SERINC2: variants seen among roughly 807,000 people sequenced by gnomAD.
The protein encoded by SERINC2 is serine incorporator 2.
Under a neutral mutation model 54.2 loss-of-function variants are expected in SERINC2, and 56 were observed. The ratio of observed to expected loss-of-function variants is 1.03; its 90% CI spans 0.83 to 1.29. The LOEUF is 1.29. SERINC2 is among the 50% of genes most tolerant of loss of function. SERINC2 has a pLI of 0.00. For synonymous variants in SERINC2, 272 were observed against 253.1 expected (o/e 1.07, Z -0.71); for missense variants, 614 against 607.4 (o/e 1.01, Z -0.12).
At chr1:31,415,897 C>T in intron 1 of SERINC2, 1 of 985,570 alleles carries the variant, frequency 1.0e-6, no homozygotes. Context: ...TGAAGGTGAA[C>T]TGGGCTGAAG....
intron 1 of SERINC2, among the ~76,000 whole-genome samples, chr1:31,421,869 G>C (rs965460127): frequency 7.9e-5 from 12 of 152,194 alleles, no homozygotes; most frequent in Non-Finnish European, 7.3e-5. Flanking sequence ...TTGGCCACGA[G>C]GGCCTTCTTA....
intron 8 of SERINC2, among the ~76,000 whole-genome samples, chr1:31,429,948 G>A (rs1357472226): frequency 6.6e-6 from 1 of 151,934 alleles, no homozygotes; most frequent in Non-Finnish European, 1.5e-5. Flanking sequence ...AGTGGATGTG[G>A]CTGTGACCCC....
At chr1:31,433,327 GCCT>G in intron 9 of SERINC2, 142 bp downstream of exon 9, 2 of 675,932 alleles carry the variant, frequency 3.0e-6, no homozygotes, top group Non-Finnish European at 2.6e-6. Flanking sequence ...CCTCCATAGA[GCCT>G]GCCCCTTCCC....
At position 31,424,847 on chromosome 1, in the gene SERINC2, G is replaced by T. The variant is rs1292737296; in HGVS notation, c.366G>T (p.Arg122=). The T allele has an allele frequency of 2.5e-6, 4 of 1,611,654 alleles. No homozygotes were observed. The highest frequency in any genetic ancestry group is 3.4e-6 in the Non-Finnish European group (4 of 1,179,484). ...TCATGCTCTGCGTGAGCAGCAGCCG[G>T]GACCCCCGGGCTGCCATCCAGAATG... is the stretch of plus-strand genomic sequence containing the variant. The part of the protein sequence containing the change: ...TLLMLCVSSS[R]DPRAAIQNGF... The change falls in exon 3 of 10, where the codon CGG becomes CGT. Residue 122 remains arginine (R), a synonymous_variant. Coordinates refer to ENST00000373709, the MANE Select transcript of SERINC2 (RefSeq NM_178865.5).
At chr1:31,415,288 A>AGT (rs1219057768) in intron 1 of SERINC2, among the ~76,000 whole-genome samples, 1 of 152,184 alleles carries the variant, frequency 6.6e-6, no homozygotes, top group African/African-American at 2.4e-5. Flanking sequence ...TTAGTGAGTA[A>AGT]TATCAGCAAG....
chr1:31,434,183 A>G lies in SERINC2; in HGVS notation c.1352A>G (p.Asn451Ser), dbSNP rs1265931906. ...WTLVAPLLLR[N>S]RDFS ...CTGGTAGCCCCACTCCTCCTGCGCA[A>G]CCGCGACTTCAGCTGAGGCAGCCTC... The change falls in exon 10 of 10, where the codon AAC becomes AGC. Residue 451 changes from asparagine (N) to serine (S), a missense_variant. Asn to Ser is a conservative substitution (Grantham distance 46, BLOSUM62 1). Transcript: ENST00000373709. 1.2e-6 allele frequency: 2 copies of G among 1,612,998 alleles called. No individual in the cohort carries two copies. The highest frequency in any genetic ancestry group is 1.7e-6 in the Non-Finnish European group (2 of 1,179,834).
At chr1:31,426,390 G>A (rs557692221) in intron 5 of SERINC2, among the ~76,000 whole-genome samples, 56 of 152,186 alleles carry the variant, frequency 3.7e-4, no homozygotes, top group Non-Finnish European at 7.2e-4. Context: ...CCTGTACCTC[G>A]TTCAGTTTTT....
chr1:31,414,269 C>A (rs1640720553), intron 1 of SERINC2: 3 of 1,329,888 alleles, frequency 2.3e-6, no homozygotes, highest in South Asian at 4.1e-5. Context: ...CTTTCCCCAG[C>A]CCCCCTCTCC....
chr1:31,423,591 C>T, intron 1 of SERINC2, 102 bp from the exon 2 acceptor site: 2 of 1,246,566 alleles, frequency 1.6e-6, no homozygotes, highest in East Asian at 5.0e-5. Context: ...CAGTGTGCTC[C>T]TGCCTAGCGC....
intron 1 of SERINC2, among the ~76,000 whole-genome samples, chr1:31,422,495 G>C (rs551603285): frequency 7.2e-5 from 11 of 152,162 alleles, no homozygotes; most frequent in African/African-American, 2.6e-4. Flanking sequence ...CTTCTTCAAG[G>C]AGGGCTTCCC....
chr1:31,421,480 A>G (rs147576788), intron 1 of SERINC2, among the ~76,000 whole-genome samples: 5 of 152,360 alleles, frequency 3.3e-5, no homozygotes, highest in Admixed American at 6.5e-5. Flanking sequence ...GACTGTTTCA[A>G]TTTAGACCAT....
In SERINC2 at chr1:31,433,142, C is replaced by T; in HGVS notation, c.1189C>T (p.Leu397=). ...CTCCTTCTTCCACTTCTGCCTGGTG[C>T]TGGCCTCACTGCACGTCATGATGAC... ...SYSFFHFCLV[L]ASLHVMMTLT... The change falls in exon 9 of 10, where the codon CTG becomes TTG. Residue 397 remains leucine, a synonymous_variant. Transcript: ENST00000373709. 1 of 1,613,796 alleles carries T rather than the reference C, an allele frequency of 6.2e-7. No homozygotes were observed. The highest frequency in any genetic ancestry group is 8.5e-7 in the Non-Finnish European group (1 of 1,180,010).
chr1:31,427,341 T>C (rs1553133791), intron 6 of SERINC2, among the ~76,000 whole-genome samples: 19 of 152,150 alleles, frequency 1.2e-4, no homozygotes, highest in Non-Finnish European at 4.4e-5. Context: ...AAAGTACCGC[T>C]GGAGCCCCTT....
At chr1:31,432,326 A>T (rs12751487) in intron 8 of SERINC2, among the ~76,000 whole-genome samples, 34,307 of 151,842 alleles carry the variant, frequency 0.23, 4,339 homozygotes, top group East Asian at 0.34. Flanking sequence ...TGGAAACGTG[A>T]GTTGGTTTTT....
At chr1:31,417,376 C>T (rs1163537373) in intron 1 of SERINC2, among the ~76,000 whole-genome samples, 1 of 152,180 alleles carries the variant, frequency 6.6e-6, no homozygotes, top group African/African-American at 2.4e-5. Flanking sequence ...CATTGACCAC[C>T]ACTTCCGTGA....
chr1:31,429,047 T>C lies in SERINC2; in HGVS notation c.850T>C (p.Ser284Pro), dbSNP rs1553134032. Residue 284 changes from serine to proline, a missense_variant, in exon 7 of 10, where the codon TCA becomes CCA. Physicochemically the swap from Ser to Pro is moderately conservative, Grantham distance 74. Coordinates refer to ENST00000373709, the MANE Select transcript of SERINC2 (RefSeq NM_178865.5). ...ITLYTMFVTWSALSSIPEQKC... is the reference protein window; with the variant it reads ...ITLYTMFVTWPALSSIPEQKC... ...CCTCTACACCATGTTTGTCACCTGG[T>C]CAGCCCTATCCAGTATCCCTGGTAA... 1.9e-6 allele frequency: 3 copies of C among 1,613,840 alleles called. No homozygotes were observed. Among genetic ancestry groups the C allele is most frequent in the Non-Finnish European group, 2.5e-6 (3 of 1,179,904 alleles).
rs377702987 is a variant in SERINC2 at position 31,428,142 on chromosome 1, C to G, written c.781-836C>G. 1.9e-3 allele frequency among the ~76,000 whole-genome samples: 288 copies of G among 152,144 alleles called. 6 individuals are homozygous for G. The South Asian group carries it at 0.022, about 12-fold the overall frequency. On this transcript the variant is annotated intron_variant, in intron 6 of 9. Coordinates refer to ENST00000373709, the MANE Select transcript of SERINC2 (RefSeq NM_178865.5). Reference sequence around the variant, plus strand: ...CCAACCTTCGCCTCCCAGGTTCAAGCAATTCTCCTGCCTCAGCCTCCCGAG... The same window carrying G: ...CCAACCTTCGCCTCCCAGGTTCAAGGAATTCTCCTGCCTCAGCCTCCCGAG...
rs782632034 is a variant in SERINC2 at position 31,433,076 on chromosome 1, C to G, written c.1123C>G (p.Arg375Gly). 6.2e-7 allele frequency: 1 copy of G among 1,613,434 alleles called. No homozygotes were observed. The highest frequency in any genetic ancestry group is 8.5e-7 in the Non-Finnish European group (1 of 1,179,972). ...GCAGCAGGTGGCAGCCTGTGAGGGC[C>G]GGGCCTTTGACAACGAGCAGGACGG... ...QQQQVAACEG[R>G]AFDNEQDGVT... is the part of the protein sequence containing the mutation. The change falls in exon 9 of 10, where the codon CGG becomes GGG. Residue 375 changes from arginine to glycine, a missense_variant. Coordinates refer to ENST00000373709, the MANE Select transcript of SERINC2 (RefSeq NM_178865.5).
At chr1:31,432,266 A>G (rs1302293088) in intron 8 of SERINC2, among the ~76,000 whole-genome samples, 3 of 148,640 alleles carry the variant, frequency 2.0e-5, no homozygotes, top group Non-Finnish European at 3.0e-5. Context: ...TGATTTCTCA[A>G]TTTGCTGGGG....
Sources: gnomAD v4.1 joint callset for allele counts (sites outside exome capture counted in the v4.1 genomes callset) on GRCh38, gnomAD v4.1.1 for gene constraint, MANE v1.5 for transcripts, NCBI Gene and HGNC (gene_info 2026-07-23, HGNC 2026-07-21) for gene names.